The following PAN3 variants were observed in gnomAD, a reference collection of about 807,000 sequenced individuals.
The protein encoded by PAN3 is PAN2-PAN3 deadenylation complex subunit PAN3.
In PAN3, 19 loss-of-function variants were observed where a neutral mutation model predicts 96.2. That is an observed-to-expected ratio of 0.20 (90% CI 0.14 to 0.29). The LOEUF (loss-of-function observed/expected upper bound fraction) is 0.29. Among genes scored for constraint, PAN3 ranks in the 10% least tolerant of loss-of-function variants. The pLI, the probability that PAN3 is intolerant of heterozygous loss-of-function variation, is 1.00. For synonymous variants in PAN3, 433 were observed against 406.6 expected (o/e 1.06, Z -0.78); for missense variants, 882 against 1,108.1 (o/e 0.80, Z 2.90).
At chr13:28,184,071 C>T (rs889015002) in intron 4 of PAN3, among the ~76,000 whole-genome samples, 2 of 152,076 alleles carry the variant, frequency 1.3e-5, no homozygotes, top group African/African-American at 2.4e-5. Flanking sequence ...TTCAGGCCTC[C>T]TCCTCCCCCA....
chr13:28,221,473 A>G (rs45462694), intron 6 of PAN3, among the ~76,000 whole-genome samples: 14,216 of 152,198 alleles, frequency 0.093, 824 homozygotes, highest in African/African-American at 0.17. Flanking sequence ...TAAATCGTTG[A>G]TTTAAATACT....
At chr13:28,165,957 A>C (rs1873485903) in intron 1 of PAN3, among the ~76,000 whole-genome samples, 1 of 152,160 alleles carries the variant, frequency 6.6e-6, no homozygotes, top group East Asian at 1.9e-4. Flanking sequence ...ATACTATCAC[A>C]TTGATAAGTT....
At chr13:28,226,909 A>T (rs1157494415) in intron 6 of PAN3, among the ~76,000 whole-genome samples, 6 of 152,212 alleles carry the variant, frequency 3.9e-5, no homozygotes, top group African/African-American at 1.2e-4. Context: ...CAAGTTATTT[A>T]GTTTGGAGAT....
intron 6 of PAN3, among the ~76,000 whole-genome samples, chr13:28,236,630 T>A (rs1382785386): frequency 2.6e-5 from 4 of 152,234 alleles, no homozygotes; most frequent in Non-Finnish European, 5.9e-5. Flanking sequence ...TTATTTTTTC[T>A]ATTTGTTTTA....
intron 12 of PAN3, among the ~76,000 whole-genome samples, chr13:28,269,888 G>A (rs938088586): frequency 1.3e-5 from 2 of 151,986 alleles, no homozygotes; most frequent in Non-Finnish European, 2.9e-5. Context: ...ATTTAATTAT[G>A]TTGCTTTTTA....
chr13:28,158,372 C>G (rs950186709), intron 1 of PAN3, among the ~76,000 whole-genome samples: 13 of 152,114 alleles, frequency 8.5e-5, no homozygotes, highest in Non-Finnish European at 1.9e-4. Context: ...AGCTTCTGCA[C>G]AGCAAAAGAA....
intron 1 of PAN3, among the ~76,000 whole-genome samples, chr13:28,169,370 C>G (rs1024432611): frequency 6.6e-6 from 1 of 151,314 alleles, no homozygotes; most frequent in African/African-American, 2.4e-5. Context: ...GCTGGTCTTA[C>G]AGGTGCCCAC....
chr13:28,203,483 T>C (rs1878984811), intron 5 of PAN3, among the ~76,000 whole-genome samples: 2 of 151,830 alleles, frequency 1.3e-5, no homozygotes, highest in African/African-American at 2.4e-5. Flanking sequence ...TTTCTTTGTA[T>C]TTTTTTGTAG....
rs1266871878 is a variant in PAN3 at position 28,277,221 on chromosome 13, T to C, written c.2050-16T>C. The C allele has an allele frequency of 6.3e-7, 1 of 1,597,268 alleles. No individual in the cohort carries two copies. The highest frequency in any genetic ancestry group is 8.5e-7 in the Non-Finnish European group (1 of 1,172,958). On this transcript the variant is annotated splice_polypyrimidine_tract_variant and intron_variant, in intron 14 of 18. Coordinates refer to ENST00000380958, the MANE Select transcript of PAN3 (RefSeq NM_175854.8). ...TGAAATGAAAATTAAAAGTTATATT[T>C]ATTCTTTCATGTCAGCAAGCAGATC...
intron 5 of PAN3, among the ~76,000 whole-genome samples, chr13:28,209,371 C>T (rs1039730309): frequency 5.3e-5 from 8 of 152,208 alleles, no homozygotes; most frequent in Non-Finnish European, 1.2e-4. Context: ...CATACGCATT[C>T]CCCCATTCCC....
Position 28,286,904 on chromosome 13 carries a change from A to G in PAN3, c.2385-1080A>G, listed in dbSNP as rs557455980. Reference sequence around the variant, plus strand: ...AAGACCCAGTTTTAAAACATGTCCTAAGCTGTGTAGTCTGATCCCTACCTA... The same window carrying G: ...AAGACCCAGTTTTAAAACATGTCCTGAGCTGTGTAGTCTGATCCCTACCTA... On this transcript the variant is annotated intron_variant, in intron 17 of 18. Coordinates refer to ENST00000380958, the MANE Select transcript of PAN3 (RefSeq NM_175854.8). 5.3e-5 allele frequency among the ~76,000 whole-genome samples: 8 copies of G among 152,230 alleles called. No individual in the cohort carries two copies. In the South Asian group the frequency reaches 1.7e-3, roughly 32 times the overall value.
rs1338254590 is a variant in PAN3, at chr13:28,188,333, T to C, written c.691-8852T>C. ...TGATACTTTAGCATATCTGCAATTATAAGAATTAAATATCAAATTATACCA... is the reference window on the plus strand; with the variant it reads ...TGATACTTTAGCATATCTGCAATTACAAGAATTAAATATCAAATTATACCA... On this transcript the variant is annotated intron_variant, in intron 4 of 18. Coordinates refer to ENST00000380958, the MANE Select transcript of PAN3 (RefSeq NM_175854.8). Among the ~76,000 whole-genome samples the C allele has an allele frequency of 2.6e-5, 4 of 152,200 alleles. No homozygotes were observed. The South Asian group carries it at 6.2e-4, about 24-fold the overall frequency.
intron 9 of PAN3, among the ~76,000 whole-genome samples, chr13:28,262,982 A>G (rs901263579): frequency 9.2e-5 from 14 of 152,218 alleles, no homozygotes; most frequent in Non-Finnish European, 1.8e-4. Context: ...TAAGATGTCA[A>G]TTTTTCTGAA....
intron 4 of PAN3, among the ~76,000 whole-genome samples, chr13:28,196,753 A>C (rs575244784): frequency 6.6e-6 from 1 of 152,290 alleles, no homozygotes; most frequent in Admixed American, 6.5e-5. Context: ...GAGCTGAAAA[A>C]GTTGTAGTTT....
intron 1 of PAN3, among the ~76,000 whole-genome samples, chr13:28,169,590 TA>T (rs1296610975): frequency 1.3e-5 from 2 of 151,880 alleles, no homozygotes; most frequent in East Asian, 3.9e-4. Context: ...TCTTGGTAAT[TA>T]AAAAAAATTA....
At chr13:28,146,209 C>G (rs2137937945) in intron 1 of PAN3, among the ~76,000 whole-genome samples, 1 of 151,656 alleles carries the variant, frequency 6.6e-6, no homozygotes, top group African/African-American at 2.4e-5. Context: ...CTTTTCTACA[C>G]ATTGTATGGT....
intron 1 of PAN3, among the ~76,000 whole-genome samples, chr13:28,143,414 A>C (rs78392988): frequency 6.4e-4 from 97 of 152,322 alleles, no homozygotes; most frequent in African/African-American, 2.3e-3. Flanking sequence ...CAAAGTGTAC[A>C]ATTTTTAACA....
intron 6 of PAN3, among the ~76,000 whole-genome samples, chr13:28,223,346 T>C (rs1881601871): frequency 6.6e-6 from 1 of 152,142 alleles, no homozygotes; most frequent in African/African-American, 2.4e-5. Flanking sequence ...TTATGCATAT[T>C]GAACCTATGA....
intron 6 of PAN3, among the ~76,000 whole-genome samples, chr13:28,242,372 AT>A (rs937321139): frequency 1.3e-5 from 2 of 151,590 alleles, no homozygotes; most frequent in African/African-American, 2.4e-5. Flanking sequence ...CCTCTAATCC[AT>A]TTTTTTTCAA....
Sources: allele counts gnomAD v4.1 joint callset (sites outside exome capture counted in the v4.1 genomes callset), GRCh38; gene constraint gnomAD v4.1.1; transcripts MANE v1.5; gene names NCBI Gene and HGNC (gene_info 2026-07-23, HGNC 2026-07-21).